ULK4: variants seen among roughly 807,000 people sequenced by gnomAD.
The protein encoded by ULK4 is unc-51 like kinase 4, also known as inactive serine/threonine-protein kinase ULK4.
In ULK4, 133 loss-of-function variants were observed where a neutral mutation model predicts 160.6. That is an observed-to-expected ratio of 0.83 (90% CI 0.72 to 0.96). The LOEUF (loss-of-function observed/expected upper bound fraction) is 0.96, where lower values mean the gene tolerates loss of function less well. Among genes scored for constraint, ULK4 ranks in the 40% least tolerant of loss-of-function variants. ULK4 has a pLI of 0.00. For synonymous variants in ULK4, 534 were observed against 539.8 expected (o/e 0.99, Z 0.15); for missense variants, 1,580 against 1,499.5 (o/e 1.05, Z -0.89).
intron 30 of ULK4, among the ~76,000 whole-genome samples, chr3:41,619,156 A>C (rs779342396): frequency 6.6e-6 from 1 of 152,088 alleles, no homozygotes; most frequent in Non-Finnish European, 1.5e-5. Flanking sequence ...TACAAAGAGA[A>C]GCAGACTCCC....
intron 18 of ULK4, among the ~76,000 whole-genome samples, chr3:41,822,279 G>C (rs1474894616): frequency 6.6e-6 from 1 of 152,060 alleles, no homozygotes; most frequent in African/African-American, 2.4e-5. Flanking sequence ...CATGAAAAAA[G>C]CACCTACGGT....
At position 41,259,248 on chromosome 3, in the gene ULK4, G is replaced by A. The variant is rs562093434; in HGVS notation, c.3679-9674C>T. ...ACCCAAATATTGAAAGGAGATGGTA[G>A]TGTCCTACAGAATCATCTTCAAATT... is the stretch of plus-strand genomic sequence containing the variant. On this transcript the variant is annotated intron_variant, in intron 35 of 36. Transcript: ENST00000301831. 7.9e-5 allele frequency among the ~76,000 whole-genome samples: 12 copies of A among 152,248 alleles called. No homozygotes were observed. In the South Asian group the frequency reaches 2.3e-3, roughly 29 times the overall value.
At chr3:41,414,258 T>G (rs142125374) in intron 34 of ULK4, among the ~76,000 whole-genome samples, 7 of 152,304 alleles carry the variant, frequency 4.6e-5, no homozygotes, top group Non-Finnish European at 7.4e-5. Flanking sequence ...CATCTTGTAT[T>G]TTCTGTCAAA....
At chr3:41,696,387 C>T (rs1263602735) in intron 27 of ULK4, among the ~76,000 whole-genome samples, 2 of 152,208 alleles carry the variant, frequency 1.3e-5, no homozygotes, top group African/African-American at 4.8e-5. Flanking sequence ...CTCTCTCTGC[C>T]TTGGCTGCCA....
rs1310421643 is a variant in ULK4, at chr3:41,910,375, C to A, written c.1085+942G>T. Among the ~76,000 whole-genome samples the A allele has an allele frequency of 3.3e-5, 5 of 152,074 alleles. No individual in the cohort carries two copies. In the East Asian group the frequency reaches 9.7e-4, roughly 29 times the overall value. ...GCACTCTGGGAGGCCTGGTGGATCA[C>A]CTAAGGTCAGGAGTTCAAGACAAGC... On this transcript the variant is annotated intron_variant, in intron 11 of 36. Transcript: ENST00000301831.
chr3:41,711,253 G>T (rs115858755), intron 25 of ULK4, among the ~76,000 whole-genome samples: 1 of 152,162 alleles, frequency 6.6e-6, no homozygotes, highest in African/African-American at 2.4e-5. Flanking sequence ...CAACACAGGG[G>T]GTGACACAAT....
chr3:41,635,236 G>C (rs2033901068), intron 30 of ULK4, among the ~76,000 whole-genome samples: 1 of 152,126 alleles, frequency 6.6e-6, no homozygotes. Flanking sequence ...AAATAAGACT[G>C]ATGATCAACT....
At chr3:41,747,447 A>G (rs182625584) in intron 22 of ULK4, among the ~76,000 whole-genome samples, 1 of 151,880 alleles carries the variant, frequency 6.6e-6, no homozygotes, top group Non-Finnish European at 1.5e-5. Flanking sequence ...GCTGTGCCAG[A>G]GACTTGGAAC....
At chr3:41,247,085 G>A in intron 36 of ULK4, 93 bp from the exon 37 acceptor site, 1 of 1,187,484 alleles carries the variant, frequency 8.4e-7, no homozygotes, top group African/African-American at 1.5e-5. Flanking sequence ...TTGCACCCGA[G>A]TATCTGGTGG....
At chr3:41,851,122 G>C (rs1202870554) in intron 17 of ULK4, among the ~76,000 whole-genome samples, 2 of 152,160 alleles carry the variant, frequency 1.3e-5, no homozygotes, top group Non-Finnish European at 2.9e-5. Context: ...TGTTGAATAG[G>C]AGTGGTGAGA....
In ULK4 at chr3:41,456,790, T is replaced by C. The variant is rs576926802; in HGVS notation, c.3394-1195A>G. ...TAACAGAGCAGGCCACAGGCTGCCC[T>C]GCCTTAAGTCATTAACCTGGACTCC... On this transcript the variant is annotated intron_variant, in intron 33 of 36. Coordinates refer to ENST00000301831, the MANE Select transcript of ULK4 (RefSeq NM_017886.4). Among the ~76,000 whole-genome samples the C allele has an allele frequency of 3.9e-5, 6 of 152,342 alleles. No individual in the cohort carries two copies. In the South Asian group the frequency reaches 1.2e-3, roughly 32 times the overall value.
intron 2 of ULK4, among the ~76,000 whole-genome samples, chr3:41,946,098 A>G (rs1700104841): frequency 6.6e-6 from 1 of 152,070 alleles, no homozygotes. Flanking sequence ...TGCTGGTTAC[A>G]TGGGTGTATT....
chr3:41,390,115 G>A (rs910027626), intron 35 of ULK4, among the ~76,000 whole-genome samples: 36 of 151,998 alleles, frequency 2.4e-4, no homozygotes, highest in Non-Finnish European at 3.2e-4. Flanking sequence ...TGTATGTGTC[G>A]AGGAATTCAT....
At chr3:41,909,657 G>A (rs1698706868) in intron 11 of ULK4, among the ~76,000 whole-genome samples, 1 of 152,068 alleles carries the variant, frequency 6.6e-6, no homozygotes, top group African/African-American at 2.4e-5. Flanking sequence ...GGAGGCTGCA[G>A]TAGGCCGAGA....
intron 17 of ULK4, among the ~76,000 whole-genome samples, chr3:41,856,599 ATATGTG>A (rs2042367116): frequency 1.2e-5 from 1 of 80,146 alleles, no homozygotes; most frequent in Non-Finnish European, 2.2e-5. Flanking sequence ...ACATATATAT[ATATGTG>A]TATATATATA....
At chr3:41,811,647 T>C (rs1457829058) in intron 19 of ULK4, among the ~76,000 whole-genome samples, 1 of 152,204 alleles carries the variant, frequency 6.6e-6, no homozygotes, top group East Asian at 1.9e-4. Flanking sequence ...AGGTTTGCCA[T>C]GGGGTATTAA....
At chr3:41,774,582 G>A (rs1277746742) in intron 21 of ULK4, among the ~76,000 whole-genome samples, 42 of 147,240 alleles carry the variant, frequency 2.9e-4, no homozygotes, top group African/African-American at 9.0e-4. Context: ...AACAGGTGCT[G>A]GAGAGGATGT....
intron 32 of ULK4, among the ~76,000 whole-genome samples, chr3:41,516,206 T>C (rs1316309909): frequency 6.6e-6 from 1 of 152,230 alleles, no homozygotes; most frequent in East Asian, 1.9e-4. Context: ...ACAACAATTC[T>C]GAGAAAGTGA....
chr3:41,544,216 TG>T (rs1460761397), intron 32 of ULK4, among the ~76,000 whole-genome samples: 1 of 152,186 alleles, frequency 6.6e-6, no homozygotes, highest in East Asian at 1.9e-4. Flanking sequence ...GTTTGTTCAG[TG>T]ACACTTTTGT....
Sources: allele counts gnomAD v4.1 joint callset (sites outside exome capture counted in the v4.1 genomes callset), GRCh38; gene constraint gnomAD v4.1.1; transcripts MANE v1.5; gene names NCBI Gene and HGNC (gene_info 2026-07-23, HGNC 2026-07-21).